The following APBB2 variants were observed in gnomAD, a reference collection of about 807,000 sequenced individuals.
APBB2 encodes amyloid beta precursor protein binding family B member 2.
In APBB2, 38 loss-of-function variants were observed where a neutral mutation model predicts 82.5. That is an observed-to-expected ratio of 0.46 (90% CI 0.36 to 0.60). APBB2 has a LOEUF of 0.60. Among genes scored for constraint, APBB2 ranks in the 20% least tolerant of loss-of-function variants. The pLI is 0.00. For missense variants in APBB2, 772 were observed against 972.3 expected, an observed-to-expected ratio of 0.79 and a Z score of 2.74; for synonymous variants, 341 against 368.2, an observed-to-expected ratio of 0.93 and a Z score of 0.85.
chr4:40,997,644 T>C (rs1234077071), intron 6 of APBB2, among the ~76,000 whole-genome samples: 8 of 152,188 alleles, frequency 5.3e-5, no homozygotes, highest in African/African-American at 1.4e-4. Flanking sequence ...ATTGAAGCTA[T>C]TTTCATAACA....
chr4:41,202,676 A>G (rs1776985471), intron 1 of APBB2, among the ~76,000 whole-genome samples: 1 of 152,240 alleles, frequency 6.6e-6, no homozygotes, highest in Non-Finnish European at 1.5e-5. Context: ...TATCAAAATG[A>G]TGTATCTCTG....
At chr4:41,193,724 G>A in intron 1 of APBB2, 11 of 204,960 alleles carry the variant, frequency 5.4e-5, no homozygotes, top group Non-Finnish European at 7.7e-5. Flanking sequence ...ATAGCCCTAG[G>A]CAGGGTAGAA....
chr4:40,879,519 T>A (rs368039462), intron 12 of APBB2, among the ~76,000 whole-genome samples: 3 of 152,286 alleles, frequency 2.0e-5, no homozygotes, highest in African/African-American at 7.2e-5. Context: ...AAGGGCAGCA[T>A]CAAATAGCTC....
chr4:40,843,018 C>G (rs1405913138), intron 12 of APBB2, among the ~76,000 whole-genome samples: 1 of 152,164 alleles, frequency 6.6e-6, no homozygotes, highest in African/African-American at 2.4e-5. Flanking sequence ...TGGGGCCACA[C>G]TCTTGGAGTT....
chr4:40,843,989 A>G (rs1173485532), intron 12 of APBB2, among the ~76,000 whole-genome samples: 1 of 152,208 alleles, frequency 6.6e-6, no homozygotes, highest in Non-Finnish European at 1.5e-5. Context: ...TAAATGGCAA[A>G]CACAGTCCCT....
intron 2 of APBB2, among the ~76,000 whole-genome samples, chr4:41,138,363 G>A (rs1416801553): frequency 2.0e-5 from 3 of 152,128 alleles, no homozygotes; most frequent in East Asian, 3.8e-4. Context: ...CATACACACA[G>A]TTTCCCATAT....
intron 12 of APBB2, among the ~76,000 whole-genome samples, chr4:40,848,687 T>C (rs1371051859): frequency 6.6e-6 from 1 of 152,166 alleles, no homozygotes; most frequent in African/African-American, 2.4e-5. Flanking sequence ...ATGACTCCTC[T>C]GCTTACAATT....
At chr4:41,200,131 G>A (rs911699825) in intron 1 of APBB2, among the ~76,000 whole-genome samples, 4 of 152,270 alleles carry the variant, frequency 2.6e-5, no homozygotes, top group Non-Finnish European at 2.9e-5. Context: ...ATGGTGAAAA[G>A]CACCACGTAA....
At chr4:41,199,859 T>C (rs1776246911) in intron 1 of APBB2, among the ~76,000 whole-genome samples, 1 of 152,182 alleles carries the variant, frequency 6.6e-6, no homozygotes, top group Admixed American at 6.5e-5. Flanking sequence ...TGTTCACTTC[T>C]AAATCATGAG....
chr4:40,893,169 G>C, intron 11 of APBB2, 96 bp downstream of exon 11: 1 of 1,441,466 alleles, frequency 6.9e-7, no homozygotes, highest in Non-Finnish European at 9.4e-7. Context: ...GAACACCTCG[G>C]AGCCCCTCAG....
intron 12 of APBB2, among the ~76,000 whole-genome samples, chr4:40,864,105 A>T (rs1345114374): frequency 6.6e-6 from 1 of 151,536 alleles, no homozygotes; most frequent in Non-Finnish European, 1.5e-5. Flanking sequence ...ACAAATACAA[A>T]TATTAGCTGG....
intron 2 of APBB2, among the ~76,000 whole-genome samples, chr4:41,132,534 C>G (rs1292238471): frequency 1.3e-5 from 2 of 152,176 alleles, no homozygotes; most frequent in African/African-American, 4.8e-5. Flanking sequence ...CACCTCCAGC[C>G]CTGCAGTCTG....
At chr4:40,958,893 G>A (rs1334014131) in intron 6 of APBB2, among the ~76,000 whole-genome samples, 10 of 152,112 alleles carry the variant, frequency 6.6e-5, no homozygotes, top group South Asian at 2.1e-4. Flanking sequence ...GGCGTGAGCC[G>A]CTGCACTCAG....
At chr4:40,979,515 T>G (rs1797978494) in intron 6 of APBB2, among the ~76,000 whole-genome samples, 1 of 152,222 alleles carries the variant, frequency 6.6e-6, no homozygotes, top group African/African-American at 2.4e-5. Flanking sequence ...TAGTCAACTG[T>G]TTTTGTTCTA....
intron 4 of APBB2, among the ~76,000 whole-genome samples, chr4:41,039,235 C>T (rs1720425257): frequency 6.6e-6 from 1 of 152,206 alleles, no homozygotes; most frequent in Non-Finnish European, 1.5e-5. Flanking sequence ...GTCCTAAGGA[C>T]TGCAAGACAT....
At chr4:41,053,235 T>C (rs1726704546) in intron 4 of APBB2, among the ~76,000 whole-genome samples, 2 of 152,220 alleles carry the variant, frequency 1.3e-5, no homozygotes, top group South Asian at 4.1e-4. Flanking sequence ...TTGATGACCC[T>C]ATGACTTCTA....
intron 3 of APBB2, among the ~76,000 whole-genome samples, chr4:41,080,651 C>A (rs529044193): frequency 8.6e-5 from 13 of 151,536 alleles, no homozygotes; most frequent in Non-Finnish European, 1.6e-4. Context: ...GGCTACACAT[C>A]ACCTTGGGGG....
chr4:41,049,668 G>A (rs1456447319), intron 4 of APBB2, among the ~76,000 whole-genome samples: 8 of 152,224 alleles, frequency 5.3e-5, no homozygotes, highest in Admixed American at 2.6e-4. Flanking sequence ...CCATGATGAC[G>A]ATGGCGGTTT....
chr4:41,197,220 T>C, intron 1 of APBB2, among the ~76,000 whole-genome samples: 1 of 152,186 alleles, frequency 6.6e-6, no homozygotes, highest in Non-Finnish European at 1.5e-5. Flanking sequence ...ATGTTATTTT[T>C]TCCCCTCTTA....
Sources: gnomAD v4.1 joint callset for allele counts (sites outside exome capture counted in the v4.1 genomes callset) on GRCh38, gnomAD v4.1.1 for gene constraint, MANE v1.5 for transcripts, NCBI Gene and HGNC (gene_info 2026-07-23, HGNC 2026-07-21) for gene names.